CENPW: variants seen among roughly 807,000 people sequenced by gnomAD.
CENPW encodes centromere protein W.
A neutral mutation model predicts 11.1 loss-of-function variants in CENPW; 3 were observed. The ratio of observed to expected loss-of-function variants is 0.27; its 90% CI spans 0.12 to 0.70. CENPW has a LOEUF of 0.70. CENPW is among the 30% of genes least tolerant of loss of function. The pLI is 0.77. For missense variants in CENPW, 100 were observed against 105.6 expected (o/e 0.95, Z 0.23); for synonymous variants, 38 against 42.0 (o/e 0.91, Z 0.37).
chr6:126,366,074 T>C, the CENPW span, among the ~76,000 whole-genome samples: 1 of 152,202 alleles, frequency 6.6e-6, no homozygotes, highest in Non-Finnish European at 1.5e-5. Context: ...ACATAATTAC[T>C]AAAAATAAGT....
the CENPW span, among the ~76,000 whole-genome samples, chr6:126,394,391 A>G: frequency 6.6e-6 from 1 of 152,076 alleles, no homozygotes; most frequent in Non-Finnish European, 1.5e-5. Context: ...CACTGATTTC[A>G]TAAACAAACA....
chr6:126,392,435 G>A, the CENPW span, among the ~76,000 whole-genome samples: 14 of 151,886 alleles, frequency 9.2e-5, no homozygotes, highest in Non-Finnish European at 1.6e-4. Context: ...GATACTAGCT[G>A]TGGGTCTGGC....
the CENPW span, among the ~76,000 whole-genome samples, chr6:126,408,572 C>T: frequency 4.0e-5 from 6 of 151,818 alleles, no homozygotes; most frequent in Non-Finnish European, 8.8e-5. Context: ...CCATATCAAC[C>T]CCTTTCTTAC....
the CENPW span, among the ~76,000 whole-genome samples, chr6:126,460,960 C>T: frequency 6.6e-6 from 1 of 151,868 alleles, no homozygotes; most frequent in East Asian, 1.9e-4. Context: ...CAGACGATAT[C>T]TATTTTCTGT....
chr6:126,362,714 CCTTT>C, the CENPW span, among the ~76,000 whole-genome samples: 6 of 152,116 alleles, frequency 3.9e-5, no homozygotes, highest in African/African-American at 9.7e-5. Context: ...TTGTTGATAA[CCTTT>C]CTAAGTCTCT....
At chr6:126,467,994 G>T in the CENPW span, among the ~76,000 whole-genome samples, 1 of 152,058 alleles carries the variant, frequency 6.6e-6, no homozygotes. Context: ...TTCCAATTAT[G>T]AAACATTGTA....
the CENPW span, among the ~76,000 whole-genome samples, chr6:126,456,505 A>G: frequency 6.6e-6 from 1 of 151,672 alleles, no homozygotes; most frequent in African/African-American, 2.4e-5. Context: ...AGCCATATGC[A>G]GAAGATTGAA....
At chr6:126,373,540 G>T in the CENPW span, among the ~76,000 whole-genome samples, 1 of 152,206 alleles carries the variant, frequency 6.6e-6, no homozygotes, top group Non-Finnish European at 1.5e-5. Flanking sequence ...CTGGGGCTCT[G>T]CTGGGCAGTT....
At chr6:126,480,835 C>G in the CENPW span, among the ~76,000 whole-genome samples, 1 of 151,988 alleles carries the variant, frequency 6.6e-6, no homozygotes, top group Admixed American at 6.6e-5. Context: ...TAAATACTTT[C>G]TAAAGCTAGA....
the CENPW span, among the ~76,000 whole-genome samples, chr6:126,477,792 A>G: frequency 6.6e-6 from 1 of 152,096 alleles, no homozygotes; most frequent in Non-Finnish European, 1.5e-5. Context: ...CTTGCACATT[A>G]TTTTTGCTTT....
chr6:126,423,993 A>G, the CENPW span, among the ~76,000 whole-genome samples: 2 of 152,104 alleles, frequency 1.3e-5, no homozygotes, highest in East Asian at 1.9e-4. Context: ...TAACTAATAC[A>G]TTTAGATTTT....
intron 1 of CENPW, among the ~76,000 whole-genome samples, chr6:126,345,220 A>G (rs901959166): frequency 1.4e-4 from 21 of 151,908 alleles, no homozygotes; most frequent in African/African-American, 4.4e-4. Flanking sequence ...TACTTAACAA[A>G]GTGTTATTTT....
At chr6:126,385,746 TC>T in the CENPW span, among the ~76,000 whole-genome samples, 1 of 152,252 alleles carries the variant, frequency 6.6e-6, no homozygotes, top group South Asian at 2.1e-4. Flanking sequence ...TGGTACTTCT[TC>T]CTGCTGCCTA....
chr6:126,391,830 A>G, the CENPW span, among the ~76,000 whole-genome samples: 1 of 151,766 alleles, frequency 6.6e-6, no homozygotes, highest in Non-Finnish European at 1.5e-5. Flanking sequence ...ACTGGCCCAT[A>G]TGTCTGTTTT....
At chr6:126,373,225 A>G in the CENPW span, among the ~76,000 whole-genome samples, 2 of 152,216 alleles carry the variant, frequency 1.3e-5, no homozygotes, top group Non-Finnish European at 2.9e-5. Context: ...TATTCTGTGG[A>G]TAAGATATTA....
the CENPW span, among the ~76,000 whole-genome samples, chr6:126,423,575 C>A: frequency 6.6e-6 from 1 of 151,874 alleles, no homozygotes; most frequent in East Asian, 1.9e-4. Flanking sequence ...CAATGAACAA[C>A]AGGAAAATGT....
the CENPW span, among the ~76,000 whole-genome samples, chr6:126,434,034 C>T: frequency 6.6e-6 from 1 of 152,092 alleles, no homozygotes; most frequent in African/African-American, 2.4e-5. Context: ...CATCAGGAAA[C>T]ATTTTAATAG....
At chr6:126,384,075 A>G in the CENPW span, among the ~76,000 whole-genome samples, 2 of 152,156 alleles carry the variant, frequency 1.3e-5, no homozygotes, top group Non-Finnish European at 2.9e-5. Flanking sequence ...TGCAATAAAA[A>G]TAGAATTCAA....
At chr6:126,479,317 C>T in the CENPW span, among the ~76,000 whole-genome samples, 1 of 151,956 alleles carries the variant, frequency 6.6e-6, no homozygotes, top group Non-Finnish European at 1.5e-5. Context: ...ACTCAGATCT[C>T]TGTCCTGAGC....
Sources: allele counts gnomAD v4.1 joint callset (sites outside exome capture counted in the v4.1 genomes callset), GRCh38; gene constraint gnomAD v4.1.1; transcripts MANE v1.5; gene names NCBI Gene and HGNC (gene_info 2026-07-23, HGNC 2026-07-21).